SLC9A6: variants seen among roughly 807,000 people sequenced by gnomAD.
SLC9A6 encodes sodium/hydrogen exchanger 6.
In SLC9A6, 6 loss-of-function variants were observed where a neutral mutation model predicts 45.3. The observed-to-expected ratio is 0.13, with a 90% confidence interval of 0.07 to 0.26. The LOEUF (loss-of-function observed/expected upper bound fraction) is 0.26, where lower values mean the gene tolerates loss of function less well. Among genes scored for constraint, SLC9A6 ranks in the 10% least tolerant of loss-of-function variants. The pLI is 1.00. For missense variants in SLC9A6, 278 were observed against 503.7 expected (o/e 0.55, Z 4.29); for synonymous variants, 191 against 187.7 (o/e 1.02, Z -0.14).
intron 1 of SLC9A6, among the ~76,000 whole-genome samples, chrX:135,977,665 G>A (rs1252953937): frequency 9.0e-6 from 1 of 110,749 alleles, no homozygotes; most frequent in Non-Finnish European, 1.9e-5. Context: ...ACTACCTGCC[G>A]AGTAAACTAG....
At position 136,045,467 on chromosome X, in the gene SLC9A6, C is replaced by T. The variant is rs189997376; in HGVS notation, c.*743C>T. 3 of 111,722 alleles carry T rather than the reference C, an allele frequency of 2.7e-5. No individual in the cohort carries two copies. In the East Asian group the frequency reaches 8.4e-4, roughly 31 times the overall value. The allele number at this position is 111,722 out of a possible 1,213,427, so 9.2% of individuals were successfully genotyped here. ...AGCCAAAGTACAGGTGTATATAGTT[C>T]AGGGCACTTGATTTAGATTTGGAGG... On this transcript the variant is annotated 3_prime_UTR_variant, in exon 18 of 18. Coordinates refer to ENST00000630721, the MANE Select transcript of SLC9A6 (RefSeq NM_001379110.1).
At chrX:136,017,164 C>T (rs1198426600) in intron 11 of SLC9A6, among the ~76,000 whole-genome samples, 1 of 111,099 alleles carries the variant, frequency 9.0e-6, no homozygotes, top group Non-Finnish European at 1.9e-5. Context: ...ACCCCTCTCT[C>T]TCCCTCTCTC....
chrX:135,997,484 T>A (rs1556616733), intron 3 of SLC9A6, among the ~76,000 whole-genome samples: 1 of 97,286 alleles, frequency 1.0e-5, no homozygotes, highest in African/African-American at 3.8e-5. Flanking sequence ...CTTGGCTCAC[T>A]GCAATCTCTG....
At chrX:136,036,866 G>A (rs1415240604) in intron 16 of SLC9A6, among the ~76,000 whole-genome samples, 1 of 112,396 alleles carries the variant, frequency 8.9e-6, no homozygotes, top group Non-Finnish European at 1.9e-5. Flanking sequence ...TTAAGTCTTT[G>A]ATCCATCACA....
At chrX:136,023,634 G>A (rs2071176745) in intron 12 of SLC9A6, among the ~76,000 whole-genome samples, 1 of 110,038 alleles carries the variant, frequency 9.1e-6, no homozygotes, top group Non-Finnish European at 1.9e-5. Flanking sequence ...GTTGCCAGGG[G>A]TTTGATGGAG....
At chrX:136,023,605 G>A (rs782451854) in intron 12 of SLC9A6, among the ~76,000 whole-genome samples, 11 of 110,399 alleles carry the variant, frequency 1.0e-4, no homozygotes, top group African/African-American at 3.6e-4. Flanking sequence ...AAGTCGTAGC[G>A]ATGGGGAATG....
Position 136,045,860 on chromosome X carries a change from C to G in SLC9A6, c.*1136C>G, listed in dbSNP as rs1487400425. 1 of 111,807 alleles carries G rather than the reference C, an allele frequency of 8.9e-6. No individual in the cohort carries two copies. The highest frequency in any genetic ancestry group is 1.9e-5 in the Non-Finnish European group (1 of 53,190). The allele number at this position is 111,807 out of a possible 1,213,427, so 9.2% of individuals were successfully genotyped here. The stretch of plus-strand genomic sequence containing the variant: ...GAATATTCTGGAGCACTGATTGCAG[C>G]AGGGTGGCTCCTTTGTGTGCAGCAG... On this transcript the variant is annotated 3_prime_UTR_variant, in exon 18 of 18. Transcript: ENST00000630721.
At chrX:135,984,402 C>T (rs1016068795), upstream of SLC9A6, among the ~76,000 whole-genome samples, 18 of 111,597 alleles carry the variant, frequency 1.6e-4, no homozygotes, top group African/African-American at 5.9e-4. Flanking sequence ...CAGGTAGAGG[C>T]CTGAAGTTGG....
chrX:136,033,470 G>A lies in SLC9A6; in HGVS notation c.1638G>A (p.Arg546=), dbSNP rs2148201776. The change falls in exon 16 of 18, where the codon CGG becomes CGA. Residue 546 remains arginine (R), a synonymous_variant. Coordinates refer to ENST00000630721, the MANE Select transcript of SLC9A6 (RefSeq NM_001379110.1). The part of the protein sequence containing the change: ...TTKAESAWLF[R]MWYNFDHNYL... ...AAGCAGAGAGTGCTTGGCTTTTCCG[G>A]ATGTGGTACAACTTTGATCATAAGT... The A allele has an allele frequency of 8.5e-7, 1 of 1,172,856 alleles. No homozygotes were observed. Among genetic ancestry groups the A allele is most frequent in the Non-Finnish European group, 1.2e-6 (1 of 865,354 alleles).
intron 11 of SLC9A6, among the ~76,000 whole-genome samples, chrX:136,021,689 G>C (rs1556619936): frequency 9.0e-6 from 1 of 111,373 alleles, no homozygotes; most frequent in African/African-American, 3.3e-5. Flanking sequence ...ACCACACCCG[G>C]CTCATTTTTG....
intron 3 of SLC9A6, among the ~76,000 whole-genome samples, chrX:135,997,547 A>G (rs2089522993): frequency 1.0e-5 from 1 of 99,499 alleles, no homozygotes; most frequent in African/African-American, 3.9e-5. Flanking sequence ...AGCTGGGATT[A>G]CAGGCACACG....
intron 12 of SLC9A6, among the ~76,000 whole-genome samples, chrX:136,023,009 C>T (rs1157823663): frequency 9.6e-6 from 1 of 104,293 alleles, no homozygotes; most frequent in East Asian, 3.0e-4. Context: ...TGGGGTTTCG[C>T]CATGTTGGCC....
At chrX:136,034,506 C>T (rs1326889998) in intron 16 of SLC9A6, among the ~76,000 whole-genome samples, 1 of 111,469 alleles carries the variant, frequency 9.0e-6, no homozygotes, top group African/African-American at 3.3e-5. Flanking sequence ...GAAAATTCAC[C>T]TAGCAAAAAC....
rs1307660073 is a variant in SLC9A6 at position 136,047,248 on chromosome X, A to G, written c.*2524A>G. ...AAGACTAATGTTTTCAAATAAACAA[A>G]CAGAAACCTAACAGAACTTAACTTA... On this transcript the variant is annotated 3_prime_UTR_variant, in exon 18 of 18. Coordinates refer to ENST00000630721, the MANE Select transcript of SLC9A6 (RefSeq NM_001379110.1). The G allele has an allele frequency of 3.6e-5, 4 of 112,662 alleles. No homozygotes were observed. The highest frequency in any genetic ancestry group is 9.7e-5 in the African/African-American group (3 of 30,894). The allele number at this position is 112,662 out of a possible 1,213,427, so 9.3% of individuals were successfully genotyped here.
chrX:136,006,617 A>G (rs1244053607), intron 7 of SLC9A6, among the ~76,000 whole-genome samples: 1 of 110,469 alleles, frequency 9.1e-6, no homozygotes, highest in Non-Finnish European at 1.9e-5. Context: ...ATATTGATAT[A>G]TTATGTTAGA....
intron 6 of SLC9A6, among the ~76,000 whole-genome samples, 179 bp from the exon 7 acceptor site, chrX:136,001,929 A>C (rs1464614878): frequency 1.8e-5 from 2 of 112,119 alleles, no homozygotes; most frequent in Non-Finnish European, 3.8e-5. Context: ...CAGGTACACA[A>C]TTAGAAAAGA....
chrX:136,006,807 A>G (rs2089664115), intron 7 of SLC9A6, among the ~76,000 whole-genome samples: 1 of 111,428 alleles, frequency 9.0e-6, no homozygotes, highest in African/African-American at 3.3e-5. Flanking sequence ...GTTTAACTTC[A>G]CTAATTACCA....
intron 2 of SLC9A6, among the ~76,000 whole-genome samples, chrX:135,988,438 T>C (rs145025304): frequency 0.021 from 2,308 of 109,888 alleles, 32 homozygotes; most frequent in South Asian, 0.099. Flanking sequence ...CTTTTCTTTC[T>C]TTCTTTCTTT....
chrX:136,001,237 T>A (rs782770958), intron 6 of SLC9A6, among the ~76,000 whole-genome samples: 242 of 103,633 alleles, frequency 2.3e-3, no homozygotes, highest in African/African-American at 8.5e-3. Context: ...CTCGGGAGGC[T>A]GAAGCAGGAG....
Sources: allele counts gnomAD v4.1 joint callset (sites outside exome capture counted in the v4.1 genomes callset), GRCh38; gene constraint gnomAD v4.1.1; transcripts MANE v1.5; gene names NCBI Gene and HGNC (gene_info 2026-07-23, HGNC 2026-07-21).